Variants in PHTF2 observed in about 807,000 individuals in gnomAD.
PHTF2 encodes the protein protein PHTF2.
A neutral mutation model predicts 101.2 loss-of-function variants in PHTF2; 60 were observed. That is an observed-to-expected ratio of 0.59 (90% CI 0.48 to 0.73). PHTF2 has a LOEUF of 0.73. PHTF2 is among the 30% of genes least tolerant of loss of function. The pLI is 0.00. For synonymous variants in PHTF2, 311 were observed against 307.3 expected, an observed-to-expected ratio of 1.01 and a Z score of -0.13; for missense variants, 747 against 908.7, an observed-to-expected ratio of 0.82 and a Z score of 2.29.
At position 77,896,478 on chromosome 7, in the gene PHTF2, C is replaced by T. The variant is rs553102492; in HGVS notation, c.216+2485C>T. On this transcript the variant is annotated intron_variant, in intron 5 of 19. Coordinates refer to ENST00000416283, the Ensembl canonical transcript of PHTF2. The stretch of plus-strand genomic sequence containing the variant: ...CTGAACCAGGAGGATCACTTGAGCC[C>T]AGGAGTTCGAGGCTGTAGTGAGCCA... 7.1e-4 allele frequency among the ~76,000 whole-genome samples: 108 copies of T among 152,206 alleles called. 2 individuals carry two copies. The South Asian group carries it at 0.021, about 30-fold the overall frequency.
chr7:77,845,822 G>A (rs1796233537), intron 2 of PHTF2, among the ~76,000 whole-genome samples: 1 of 152,076 alleles, frequency 6.6e-6, no homozygotes, highest in South Asian at 2.1e-4. Context: ...GGATTCTTTC[G>A]CAGGTAAGAC....
At chr7:77,849,332 G>A (rs997129158) in intron 2 of PHTF2, among the ~76,000 whole-genome samples, 1 of 151,610 alleles carries the variant, frequency 6.6e-6, no homozygotes, top group Non-Finnish European at 1.5e-5. Flanking sequence ...TAGTAGAGAC[G>A]GGGTTTCATC....
chr7:77,949,740 C>T, exon 17 of PHTF2: 1 of 1,557,080 alleles, frequency 6.4e-7, no homozygotes, highest in Admixed American at 1.8e-5. Flanking sequence ...TAATCTGGTG[C>T]ATCTCGTTAA....
At chr7:77,946,354 T>C (rs1806047752) in intron 16 of PHTF2, among the ~76,000 whole-genome samples, 1 of 151,686 alleles carries the variant, frequency 6.6e-6, no homozygotes, top group Non-Finnish European at 1.5e-5. Context: ...TTAAGAGTTA[T>C]TTACTTTAAA....
At chr7:77,905,351 A>T (rs539086046) in intron 7 of PHTF2, among the ~76,000 whole-genome samples, 3 of 151,314 alleles carry the variant, frequency 2.0e-5, no homozygotes, top group Non-Finnish European at 4.4e-5. Flanking sequence ...TCAGCCTCCC[A>T]ACTAGCTAGG....
intron 2 of PHTF2, among the ~76,000 whole-genome samples, chr7:77,841,084 T>TC (rs1795840089): frequency 7.3e-6 from 1 of 136,398 alleles, no homozygotes; most frequent in Non-Finnish European, 1.6e-5. Context: ...ACTTTTTTTT[T>TC]TTTTTTTTTT....
At chr7:77,809,512 C>A (rs1326942566) in intron 1 of PHTF2, among the ~76,000 whole-genome samples, 1 of 152,100 alleles carries the variant, frequency 6.6e-6, no homozygotes, top group East Asian at 1.9e-4. Context: ...TAGGCATGAG[C>A]CACTGGGCTC....
chr7:77,802,054 G>A (rs1307651551), intron 1 of PHTF2, among the ~76,000 whole-genome samples: 2 of 152,182 alleles, frequency 1.3e-5, no homozygotes, highest in African/African-American at 4.8e-5. Context: ...GGGTTTCAGG[G>A]GAGCTACCAC....
chr7:77,927,358 G>A (rs984976398), intron 11 of PHTF2, among the ~76,000 whole-genome samples: 8 of 151,884 alleles, frequency 5.3e-5, no homozygotes, highest in African/African-American at 1.9e-4. Flanking sequence ...TACTTTCAGA[G>A]GCCAAGGTGG....
At chr7:77,820,452 A>T (rs1340658499) in intron 1 of PHTF2, among the ~76,000 whole-genome samples, 2 of 152,108 alleles carry the variant, frequency 1.3e-5, no homozygotes, top group African/African-American at 4.8e-5. Flanking sequence ...TCTGGGTTCA[A>T]GCAATCCTCC....
At chr7:77,881,080 A>T (rs2150749952) in intron 3 of PHTF2, among the ~76,000 whole-genome samples, 1 of 151,972 alleles carries the variant, frequency 6.6e-6, no homozygotes, top group South Asian at 2.1e-4. Flanking sequence ...CCATTCCCCA[A>T]ACTCCCCAGC....
At chr7:77,940,176 G>C (rs1176312625) in exon 14 of PHTF2, 1 of 1,613,614 alleles carries the variant, frequency 6.2e-7, no homozygotes, top group Non-Finnish European at 8.5e-7. Context: ...AACTTTATGT[G>C]ATTGCATTTG....
chr7:77,900,933 T>G (rs1019941126), intron 6 of PHTF2, among the ~76,000 whole-genome samples, 153 bp downstream of exon 5: 4 of 152,214 alleles, frequency 2.6e-5, no homozygotes, highest in African/African-American at 7.2e-5. Flanking sequence ...GCTTAATTGG[T>G]TCATGGTTCT....
intron 1 of PHTF2, among the ~76,000 whole-genome samples, chr7:77,801,827 G>T (rs143886823): frequency 2.6e-5 from 4 of 152,290 alleles, no homozygotes; most frequent in East Asian, 1.9e-4. Context: ...CAAGAATTCA[G>T]TTAAAGTATA....
chr7:77,854,542 A>G (rs1018142204), intron 2 of PHTF2, among the ~76,000 whole-genome samples: 2 of 152,028 alleles, frequency 1.3e-5, no homozygotes, highest in African/African-American at 4.8e-5. Context: ...CAGAGCATCA[A>G]GCTCCCCTGC....
At position 77,940,414 on chromosome 7, in the gene PHTF2, TA is replaced by T. The variant is rs200782700; in HGVS notation, c.1740+113del. 2,391 of 1,265,492 alleles carry T rather than the reference TA, an allele frequency of 1.9e-3. 1 individual carries two copies. The highest frequency in any genetic ancestry group is 3.2e-3 in the Middle Eastern group (11 of 3,480). 78.4% of individuals were successfully genotyped at this position (1,265,492 alleles called of 1,614,324 possible). On this transcript the variant is annotated intron_variant, in intron 14 of 19. Coordinates refer to ENST00000416283, the Ensembl canonical transcript of PHTF2. ...ATATCATTTTTACCTAATTATTTTT[TA>T]TTTTGCTTTTATAGTACCTAACCAA... is the stretch of plus-strand genomic sequence containing the variant.
At chr7:77,818,571 GGATT>G (rs1223885711) in intron 1 of PHTF2, among the ~76,000 whole-genome samples, 1 of 152,082 alleles carries the variant, frequency 6.6e-6, no homozygotes, top group Non-Finnish European at 1.5e-5. Flanking sequence ...GTAGATACAT[GGATT>G]GATTAATTTC....
intron 11 of PHTF2, among the ~76,000 whole-genome samples, chr7:77,927,241 TAAAG>T (rs976379248): frequency 4.1e-4 from 52 of 127,906 alleles, no homozygotes; most frequent in African/African-American, 9.3e-4. Flanking sequence ...CACATACACA[TAAAG>T]AGAGAGATTG....
chr7:77,945,088 C>T (rs1301021602), intron 16 of PHTF2, among the ~76,000 whole-genome samples: 3 of 152,142 alleles, frequency 2.0e-5, no homozygotes, highest in Non-Finnish European at 4.4e-5. Flanking sequence ...GCCTGTAATC[C>T]CAGCATTTTG....
Sources: allele counts gnomAD v4.1 joint callset (sites outside exome capture counted in the v4.1 genomes callset), GRCh38; gene constraint gnomAD v4.1.1; transcripts MANE v1.5; gene names NCBI Gene and HGNC (gene_info 2026-07-23, HGNC 2026-07-21).